The following SORCS2 variants were observed in gnomAD, a reference collection of about 807,000 sequenced individuals.
SORCS2 encodes the protein VPS10 domain-containing receptor SorCS2.
SORCS2 carries 100 observed loss-of-function variants against 141.6 expected under a neutral mutation model. The observed-to-expected ratio is 0.71, with a 90% CI of 0.60 to 0.83. SORCS2 has a LOEUF of 0.83. SORCS2 is among the 40% of genes least tolerant of loss of function. SORCS2 has a pLI of 0.00. For missense variants in SORCS2, 1,646 were observed against 1,560.2 expected, an observed-to-expected ratio of 1.05 and a Z score of -0.93; for synonymous variants, 789 against 676.9, an observed-to-expected ratio of 1.17 and a Z score of -2.57.
intron 1 of SORCS2, among the ~76,000 whole-genome samples, chr4:7,251,366 A>G (rs1365189050): frequency 1.3e-5 from 2 of 152,204 alleles, no homozygotes; most frequent in Admixed American, 6.5e-5. Flanking sequence ...ACAAATATAC[A>G]TACGAATATT....
At chr4:7,282,011 T>C (rs1715917594) in intron 1 of SORCS2, among the ~76,000 whole-genome samples, 1 of 152,208 alleles carries the variant, frequency 6.6e-6, no homozygotes, top group Non-Finnish European at 1.5e-5. Flanking sequence ...CCACTCTGCC[T>C]CGTGGAGCTC....
At chr4:7,355,532 G>A (rs1721195232) in intron 1 of SORCS2, among the ~76,000 whole-genome samples, 1 of 152,126 alleles carries the variant, frequency 6.6e-6, no homozygotes, top group Non-Finnish European at 1.5e-5. Context: ...GGCCCCAGGT[G>A]CCTTCACCGC....
intron 3 of SORCS2, among the ~76,000 whole-genome samples, chr4:7,612,904 CAAG>C (rs770451632): frequency 6.1e-4 from 93 of 152,222 alleles, no homozygotes; most frequent in Non-Finnish European, 9.4e-4. Context: ...GGGAGGGGAA[CAAG>C]AAGAAGGGCT....
chr4:7,454,758 C>T (rs1321345168), intron 2 of SORCS2, among the ~76,000 whole-genome samples: 1 of 94,724 alleles, frequency 1.1e-5, no homozygotes, highest in Non-Finnish European at 2.0e-5. Flanking sequence ...TGGGGTCAGG[C>T]ACTGTGTTGG....
chr4:7,506,646 G>A (rs1732294737), intron 2 of SORCS2, among the ~76,000 whole-genome samples: 1 of 152,186 alleles, frequency 6.6e-6, no homozygotes, highest in African/African-American at 2.4e-5. Flanking sequence ...TTTCCCTAAA[G>A]GGCAGGTCCT....
chr4:7,643,809 C>T (rs976636248), intron 4 of SORCS2, among the ~76,000 whole-genome samples: 1 of 152,128 alleles, frequency 6.6e-6, no homozygotes, highest in Non-Finnish European at 1.5e-5. Flanking sequence ...GCAGCCTTCG[C>T]GTTGGCTGCT....
intron 15 of SORCS2, among the ~76,000 whole-genome samples, chr4:7,713,477 C>T (rs546881123): frequency 6.6e-6 from 1 of 152,212 alleles, no homozygotes; most frequent in East Asian, 1.9e-4. Context: ...TACTCAAGAC[C>T]ATCACGGTGG....
intron 1 of SORCS2, among the ~76,000 whole-genome samples, chr4:7,348,496 T>TA (rs1357422694): frequency 6.6e-6 from 1 of 152,182 alleles, no homozygotes; most frequent in Non-Finnish European, 1.5e-5. Flanking sequence ...TTGAGGATGC[T>TA]AAGTGCCCTG....
chr4:7,289,731 C>T (rs973036717), intron 1 of SORCS2, among the ~76,000 whole-genome samples: 1 of 152,204 alleles, frequency 6.6e-6, no homozygotes, highest in African/African-American at 2.4e-5. Flanking sequence ...CTATCAGCAG[C>T]GCTTCGAGGA....
chr4:7,661,682 C>T, intron 6 of SORCS2, 118 bp downstream of exon 6: 5 of 896,566 alleles, frequency 5.6e-6, no homozygotes, highest in Non-Finnish European at 8.7e-6. Flanking sequence ...CAGCCGGCCT[C>T]ACTGTGTCTC....
chr4:7,521,653 T>C (rs1733338085), intron 2 of SORCS2, among the ~76,000 whole-genome samples: 2 of 152,210 alleles, frequency 1.3e-5, no homozygotes, highest in African/African-American at 4.8e-5. Context: ...AAGCTCAGAA[T>C]GAATTCCCCT....
intron 1 of SORCS2, among the ~76,000 whole-genome samples, chr4:7,212,261 G>A (rs1218325445): frequency 6.6e-6 from 1 of 152,204 alleles, no homozygotes; most frequent in Non-Finnish European, 1.5e-5. Flanking sequence ...GCAATGGCTG[G>A]TTGGGCAGAT....
At chr4:7,502,016 C>T (rs766644411) in intron 2 of SORCS2, among the ~76,000 whole-genome samples, 1 of 152,200 alleles carries the variant, frequency 6.6e-6, no homozygotes, top group African/African-American at 2.4e-5. Flanking sequence ...CCCGCCCCTA[C>T]AGTGCAGTCC....
chr4:7,570,382 C>G (rs1314837797), intron 3 of SORCS2, among the ~76,000 whole-genome samples: 1 of 152,252 alleles, frequency 6.6e-6, no homozygotes, highest in African/African-American at 2.4e-5. Flanking sequence ...CCTCCCACTC[C>G]CGCTGCCAGA....
Position 7,664,454 on chromosome 4 carries a change from G to A in SORCS2, c.1054G>A (p.Asp352Asn), listed in dbSNP as rs772555808. 68 of 1,611,892 alleles carry A rather than the reference G, an allele frequency of 4.2e-5. No homozygotes were observed. The South Asian group carries it at 4.4e-4, about 10-fold the overall frequency. The change falls in exon 7 of 27, where the codon GAT becomes AAT. Residue 352 changes from aspartate (D) to asparagine (N), a missense_variant. Transcript: ENST00000507866. The surrounding 1 kb of genome is among the most constrained non-coding windows in gnomAD (Gnocchi z 4.7). ...IDHGSLTVQD[D>N]YIFFKATSAN... ...CCACGGGTCTCTGACCGTGCAGGAC[G>A]ATTACATCTTCTTTAAGGTAAGGTT...
intron 11 of SORCS2, 127 bp from the exon 12 acceptor site, chr4:7,697,071 T>G: frequency 1.4e-6 from 1 of 723,570 alleles, no homozygotes; most frequent in South Asian, 1.8e-5. Context: ...CCACAGCAGG[T>G]CTGTGGGGGA....
In SORCS2 at chr4:7,386,674, G is replaced by T. The variant is rs185996867; in HGVS notation, c.481-9614G>T. 8.7e-4 allele frequency among the ~76,000 whole-genome samples: 127 copies of T among 146,274 alleles called. 1 individual carries two copies. The East Asian group carries it at 0.018, about 20-fold the overall frequency. On this transcript the variant is annotated intron_variant, in intron 1 of 26. Coordinates refer to ENST00000507866, the MANE Select transcript of SORCS2 (RefSeq NM_020777.3). ...ACAGAAATACATGCACACACACATA[G>T]GTACATGCATGCACACATGCACACA...
In SORCS2 at chr4:7,716,685, G is replaced by GTCCGTCCA. The variant is rs1553806189; in HGVS notation, c.2253-1324_2253-1323insGTCCATCC. Among the ~76,000 whole-genome samples, 11 of 151,284 alleles carry GTCCGTCCA rather than the reference G, an allele frequency of 7.3e-5. No individual in the cohort carries two copies. The South Asian group carries it at 8.4e-4, about 12-fold the overall frequency. On this transcript the variant is annotated intron_variant, in intron 17 of 26. Transcript: ENST00000507866. ...CCATCTATCTATTCATTCATTCACC[G>GTCCGTCCA]TCCATCCATCCATCCATCCATCTAC...
chr4:7,432,743 C>T (rs1371934324), intron 2 of SORCS2: 1 of 152,310 alleles, frequency 6.6e-6, no homozygotes, highest in Non-Finnish European at 1.5e-5. Flanking sequence ...AAGCCCCAGA[C>T]CTCTCCCCGG....
Sources: allele counts gnomAD v4.1 joint callset (sites outside exome capture counted in the v4.1 genomes callset), GRCh38; gene constraint gnomAD v4.1.1; non-coding constraint Gnocchi (gnomAD v3.1); transcripts MANE v1.5; gene names NCBI Gene and HGNC (gene_info 2026-07-23, HGNC 2026-07-21).